SHISA9: variants seen among roughly 807,000 people sequenced by gnomAD.
SHISA9 encodes the protein protein shisa-9.
Under a neutral mutation model 38.0 loss-of-function variants are expected in SHISA9, and 13 were observed. The ratio of observed to expected loss-of-function variants is 0.34; its 90% CI spans 0.22 to 0.54. The LOEUF (loss-of-function observed/expected upper bound fraction) is 0.54. Ranked by LOEUF, SHISA9 falls within the 20% of genes least tolerant of loss-of-function variation. The pLI is 0.91. For missense variants in SHISA9, 538 were observed against 575.8 expected, an observed-to-expected ratio of 0.93 and a Z score of 0.67; for synonymous variants, 275 against 242.0, an observed-to-expected ratio of 1.14 and a Z score of -1.27.
chr16:13,192,848 C>T (rs1293854620), intron 2 of SHISA9, among the ~76,000 whole-genome samples: 1 of 150,758 alleles, frequency 6.6e-6, no homozygotes, highest in Non-Finnish European at 1.5e-5. Context: ...GCACTTCAGT[C>T]TGGGCTACAG....
chr16:13,329,197 C>T, the SHISA9 span, among the ~76,000 whole-genome samples: 1 of 152,176 alleles, frequency 6.6e-6, no homozygotes, highest in Non-Finnish European at 1.5e-5. Flanking sequence ...ACAGCCTCCT[C>T]AAGCCTGCCT....
At chr16:13,469,397 GAAAGAAAGAAAGAAAGAAAGAAAGAA>G in the SHISA9 span, among the ~76,000 whole-genome samples, 3 of 121,326 alleles carry the variant, frequency 2.5e-5, no homozygotes, top group Middle Eastern at 4.0e-3. Flanking sequence ...AAGAAAGAAA[GAAAGAAAGAAAGAAAGAAAGAAAGAA>G]AAAGAAAGAA....
the SHISA9 span, among the ~76,000 whole-genome samples, chr16:13,424,840 T>C: frequency 6.6e-6 from 1 of 152,246 alleles, no homozygotes; most frequent in African/African-American, 2.4e-5. Flanking sequence ...CCTGGCTGCT[T>C]TAAGGCTTTG....
chr16:13,327,521 C>T, the SHISA9 span, among the ~76,000 whole-genome samples: 2 of 151,838 alleles, frequency 1.3e-5, no homozygotes, highest in South Asian at 2.1e-4. Flanking sequence ...GAGACTGAGG[C>T]AGGAGAATCA....
In SHISA9 at chr16:12,999,961, A is replaced by T. The variant is rs147142762; in HGVS notation, c.691+83146A>T. Among the ~76,000 whole-genome samples the T allele has an allele frequency of 6.2e-3, 945 of 152,354 alleles. 11 individuals are homozygous for T. The highest frequency in any genetic ancestry group is 0.022 in the African/African-American group (897 of 41,596). ...ATTCAGCTATGTGCATGGGAAAAAG[A>T]GAAATGGGTTTTGGTAAACAGCCTA... On this transcript the variant is annotated intron_variant, in intron 2 of 4. Coordinates refer to ENST00000558583, the MANE Select transcript of SHISA9 (RefSeq NM_001145204.3).
the SHISA9 span, among the ~76,000 whole-genome samples, chr16:13,316,366 C>T: frequency 6.6e-6 from 1 of 152,160 alleles, no homozygotes; most frequent in Admixed American, 6.5e-5. Context: ...CTGCTGACCT[C>T]CTTCCCCAGG....
chr16:13,339,544 G>A, the SHISA9 span, among the ~76,000 whole-genome samples: 8 of 152,092 alleles, frequency 5.3e-5, no homozygotes, highest in Admixed American at 1.3e-4. Flanking sequence ...GTGTTCCCTC[G>A]TGCTTCTTTT....
the SHISA9 span, among the ~76,000 whole-genome samples, chr16:13,494,255 A>C: frequency 6.6e-6 from 1 of 152,200 alleles, no homozygotes; most frequent in Non-Finnish European, 1.5e-5. Flanking sequence ...CATAGCCAGC[A>C]GGCTTCAGAA....
intron 2 of SHISA9, among the ~76,000 whole-genome samples, chr16:13,146,211 C>T (rs1023617738): frequency 6.6e-6 from 1 of 152,170 alleles, no homozygotes; most frequent in African/African-American, 2.4e-5. Flanking sequence ...ATAAAATTGA[C>T]AGTGGAAGTG....
At chr16:13,092,432 G>A (rs1252244723) in intron 2 of SHISA9, among the ~76,000 whole-genome samples, 1 of 152,218 alleles carries the variant, frequency 6.6e-6, no homozygotes, top group Non-Finnish European at 1.5e-5. Flanking sequence ...CCACAGAGGT[G>A]GAATCTAGAG....
chr16:13,036,085 T>C (rs2073057637), intron 2 of SHISA9, among the ~76,000 whole-genome samples: 2 of 152,246 alleles, frequency 1.3e-5, no homozygotes, highest in Admixed American at 6.5e-5. Context: ...TGGTTGTTTT[T>C]AAATAAAGTT....
At chr16:12,953,281 G>A (rs2071784538) in intron 2 of SHISA9, among the ~76,000 whole-genome samples, 1 of 152,054 alleles carries the variant, frequency 6.6e-6, no homozygotes, top group Admixed American at 6.5e-5. Flanking sequence ...CTCAAATAGT[G>A]CCTACTCTGT....
chr16:13,221,965 G>C (rs2051230199), intron 4 of SHISA9, among the ~76,000 whole-genome samples: 3 of 152,170 alleles, frequency 2.0e-5, no homozygotes, highest in Admixed American at 2.0e-4. Flanking sequence ...GTTTATAAAG[G>C]AAAGAGGTTC....
At chr16:13,062,168 G>A (rs776640025) in intron 2 of SHISA9, among the ~76,000 whole-genome samples, 2 of 150,976 alleles carry the variant, frequency 1.3e-5, no homozygotes, top group Non-Finnish European at 2.9e-5. Flanking sequence ...TATACCTCAA[G>A]TATGGCAGGG....
At chr16:13,189,448 G>A (rs1256113505) in intron 2 of SHISA9, among the ~76,000 whole-genome samples, 4 of 152,224 alleles carry the variant, frequency 2.6e-5, no homozygotes, top group African/African-American at 7.2e-5. Context: ...AACATGCTGT[G>A]TGACTTTGGG....
intron 2 of SHISA9, among the ~76,000 whole-genome samples, chr16:13,127,901 C>T (rs1259227390): frequency 2.6e-5 from 4 of 152,128 alleles, no homozygotes; most frequent in Non-Finnish European, 5.9e-5. Flanking sequence ...GCTGGGAGAG[C>T]CCAGCTTCTG....
At chr16:13,047,224 AT>A (rs1225305136) in intron 2 of SHISA9, among the ~76,000 whole-genome samples, 1 of 152,076 alleles carries the variant, frequency 6.6e-6, no homozygotes, top group African/African-American at 2.4e-5. Flanking sequence ...TAGAGGTTTA[AT>A]AAATTCTTCT....
rs1291674868 is a variant in SHISA9 at position 12,901,697 on chromosome 16, C to G, written c.-368C>G. 3 of 150,904 alleles carry G rather than the reference C, an allele frequency of 2.0e-5. No individual in the cohort carries two copies. The highest frequency in any genetic ancestry group is 7.3e-5 in the African/African-American group (3 of 40,994). The allele number at this position is 150,904 out of a possible 1,614,324, so 9.3% of individuals were successfully genotyped here. A position where few individuals can be genotyped will look rare whatever the true frequency, so the allele number is the denominator to read the frequency against. On this transcript the variant is annotated 5_prime_UTR_variant, in exon 1 of 5. Coordinates refer to ENST00000558583, the MANE Select transcript of SHISA9 (RefSeq NM_001145204.3). ...CTAGGGGCGGCCAGTCCGGGGCTGC[C>G]GGCCAAGGCTAGGCGCTGCCAGCCC...
At chr16:12,970,409 A>ATGTATATATATATG (rs1389126626) in intron 2 of SHISA9, among the ~76,000 whole-genome samples, 1 of 18,700 alleles carries the variant, frequency 5.3e-5, no homozygotes, top group Non-Finnish European at 9.4e-5. Context: ...ATATACATAT[A>ATGTATATATATATG]TATATATACA....
Sources: allele counts gnomAD v4.1 joint callset (sites outside exome capture counted in the v4.1 genomes callset), GRCh38; gene constraint gnomAD v4.1.1; transcripts MANE v1.5; gene names NCBI Gene and HGNC (gene_info 2026-07-23, HGNC 2026-07-21).